SCARA3: variants seen among roughly 807,000 people sequenced by gnomAD.
SCARA3 encodes the protein scavenger receptor class A member 3.
SCARA3 carries 39 observed loss-of-function variants against 47.0 expected under a neutral mutation model. That is an observed-to-expected ratio of 0.83 (90% confidence interval 0.64 to 1.08). The LOEUF (loss-of-function observed/expected upper bound fraction) is 1.08, where lower values mean the gene tolerates loss of function less well. Ranked by LOEUF, SCARA3 falls within the 50% of genes least tolerant of loss-of-function variation. The pLI is 0.00. For synonymous variants in SCARA3, 356 were observed against 334.1 expected (o/e 1.07, Z -0.71); for missense variants, 724 against 792.3 (o/e 0.91, Z 1.04).
chr8:27,675,683 GGGAAGCT>G (rs1802264928), downstream of SCARA3, among the ~76,000 whole-genome samples: 1 of 152,194 alleles, frequency 6.6e-6, no homozygotes, highest in African/African-American at 2.4e-5. Flanking sequence ...CCAGCTACTT[GGGAAGCT>G]GAGGCAGGAG....
the SCARA3 span, among the ~76,000 whole-genome samples, chr8:27,685,747 A>G: frequency 1.3e-5 from 2 of 152,284 alleles, no homozygotes; most frequent in African/African-American, 4.8e-5. Context: ...TGTCAAAAAA[A>G]GAAAGAAAAC....
At chr8:27,697,259 T>C in the SCARA3 span, 32 of 221,126 alleles carry the variant, frequency 1.4e-4, no homozygotes, top group Middle Eastern at 1.2e-3. Context: ...GCATGCATGA[T>C]GACATCGTTC....
chr8:27,704,684 G>A, the SCARA3 span, among the ~76,000 whole-genome samples: 7 of 151,542 alleles, frequency 4.6e-5, no homozygotes, highest in Admixed American at 3.3e-4. Flanking sequence ...CAGTTAGTTG[G>A]TTACTAACAG....
chr8:27,702,855 A>G, the SCARA3 span: 1 of 152,282 alleles, frequency 6.6e-6, no homozygotes, highest in Non-Finnish European at 1.5e-5. Flanking sequence ...CCTCATTTCT[A>G]CAGGGGCACC....
the SCARA3 span, among the ~76,000 whole-genome samples, chr8:27,724,816 A>C: frequency 6.6e-6 from 1 of 152,182 alleles, no homozygotes; most frequent in Admixed American, 6.6e-5. Flanking sequence ...ATATTTACAA[A>C]CATGTACATA....
the SCARA3 span, among the ~76,000 whole-genome samples, chr8:27,690,408 C>G: frequency 3.3e-5 from 5 of 152,202 alleles, no homozygotes; most frequent in Non-Finnish European, 5.9e-5. Flanking sequence ...CTCTCTGTCT[C>G]CCTCTTTCTC....
chr8:27,668,791 A>G (rs1445599003), intron 5 of SCARA3, among the ~76,000 whole-genome samples: 1 of 152,204 alleles, frequency 6.6e-6, no homozygotes. Context: ...GTGAGCTATG[A>G]TTGTGCCACT....
chr8:27,725,809 C>T, the SCARA3 span, among the ~76,000 whole-genome samples: 13 of 152,078 alleles, frequency 8.5e-5, no homozygotes, highest in African/African-American at 1.2e-4. Flanking sequence ...ATCCTCTGTC[C>T]GCAGATGCCT....
chr8:27,701,514 T>A, the SCARA3 span: 1 of 152,066 alleles, frequency 6.6e-6, no homozygotes, highest in Non-Finnish European at 1.5e-5. Context: ...AGCTGAGAGA[T>A]GCTTTTTCAT....
At chr8:27,665,322 C>A (rs1801993876) in intron 5 of SCARA3, among the ~76,000 whole-genome samples, 1 of 152,178 alleles carries the variant, frequency 6.6e-6, no homozygotes, top group South Asian at 2.1e-4. Flanking sequence ...TTCTAAGCCC[C>A]CATTTACTCA....
In SCARA3 at chr8:27,634,116, C is replaced by A; in HGVS notation, c.-85C>A. 7.5e-7 allele frequency: 1 copy of A among 1,333,552 alleles called. No individual in the cohort carries two copies. The highest frequency in any genetic ancestry group is 1.5e-5 in the African/African-American group (1 of 65,752). The allele number at this position is 1,333,552 out of a possible 1,614,324, so 82.6% of individuals were successfully genotyped here. ...CGGCGCCTAGGACGGCGATCCGCGC[C>A]CTGGAGGATCCGCCGGCCGCCCGGC... On this transcript the variant is annotated 5_prime_UTR_variant, in exon 1 of 6. Transcript: ENST00000301904.
the SCARA3 span, among the ~76,000 whole-genome samples, chr8:27,696,485 T>C: frequency 6.6e-6 from 1 of 151,934 alleles, no homozygotes; most frequent in Non-Finnish European, 1.5e-5. Context: ...AGACAGAGTC[T>C]CACTCTGTCA....
At chr8:27,710,507 A>G in the SCARA3 span, among the ~76,000 whole-genome samples, 1 of 152,340 alleles carries the variant, frequency 6.6e-6, no homozygotes, top group African/African-American at 2.4e-5. Context: ...TGAACAATTA[A>G]GTACCGATTA....
chr8:27,639,531 G>A (rs1801338020), intron 1 of SCARA3, among the ~76,000 whole-genome samples: 2 of 152,052 alleles, frequency 1.3e-5, no homozygotes, highest in South Asian at 4.2e-4. Flanking sequence ...TGGTGGGGGA[G>A]AGAGATGGCC....
At chr8:27,653,162 G>A (rs544480148) in intron 3 of SCARA3, among the ~76,000 whole-genome samples, 1 of 152,324 alleles carries the variant, frequency 6.6e-6, no homozygotes, top group South Asian at 2.1e-4. Flanking sequence ...CAAGGCACCT[G>A]GGGCCATTAT....
chr8:27,707,440 G>A, the SCARA3 span, among the ~76,000 whole-genome samples: 1 of 149,986 alleles, frequency 6.7e-6, no homozygotes. Flanking sequence ...TATGAAAAAA[G>A]GAACAATCAT....
intron 1 of SCARA3, among the ~76,000 whole-genome samples, chr8:27,642,945 T>C (rs1801414246): frequency 6.6e-6 from 1 of 151,404 alleles, no homozygotes; most frequent in Admixed American, 6.6e-5. Flanking sequence ...AGGAGATCAG[T>C]GTGTAAGTAA....
At chr8:27,656,964 C>T (rs1004779579) in intron 4 of SCARA3, 84 bp downstream of exon 4, 2 of 849,258 alleles carry the variant, frequency 2.4e-6, no homozygotes, top group Admixed American at 1.8e-5. Context: ...TGCCCCAGCA[C>T]CAAGCAACCT....
the SCARA3 span, among the ~76,000 whole-genome samples, chr8:27,692,633 G>A: frequency 0.49 from 73,661 of 151,778 alleles, 18,172 homozygotes; most frequent in Middle Eastern, 0.61. Context: ...CCTGATCCAG[G>A]AGAGAATTAA....
Sources: allele counts gnomAD v4.1 joint callset (sites outside exome capture counted in the v4.1 genomes callset), GRCh38; gene constraint gnomAD v4.1.1; transcripts MANE v1.5; gene names NCBI Gene and HGNC (gene_info 2026-07-23, HGNC 2026-07-21).